C8orf34: variants seen among roughly 807,000 people sequenced by gnomAD.
C8orf34 encodes the protein uncharacterized protein C8orf34.
A neutral mutation model predicts 68.3 loss-of-function variants in C8orf34; 65 were observed. The ratio of observed to expected loss-of-function variants is 0.95; its 90% CI spans 0.78 to 1.17. The LOEUF (loss-of-function observed/expected upper bound fraction) is 1.17, where lower values mean the gene tolerates loss of function less well. C8orf34 is among the 50% of genes most tolerant of loss of function. The pLI is 0.00. For missense variants in C8orf34, 664 were observed against 655.4 expected (o/e 1.01, Z -0.14); for synonymous variants, 244 against 241.2 (o/e 1.01, Z -0.11).
intron 10 of C8orf34, among the ~76,000 whole-genome samples, chr8:68,746,254 A>G (rs1035694666): frequency 6.6e-6 from 1 of 150,932 alleles, no homozygotes; most frequent in Non-Finnish European, 1.5e-5. Context: ...AGGGAAATTT[A>G]TAGCACTAAA....
At chr8:68,509,854 G>A (rs1814188108) in intron 5 of C8orf34, among the ~76,000 whole-genome samples, 1 of 152,214 alleles carries the variant, frequency 6.6e-6, no homozygotes, top group Non-Finnish European at 1.5e-5. Context: ...GTGTCAAAGT[G>A]ACTTGCACCC....
At chr8:68,494,046 T>C (rs10096415) in intron 5 of C8orf34, among the ~76,000 whole-genome samples, 78,668 of 152,074 alleles carry the variant, frequency 0.52, 21,493 homozygotes, top group African/African-American at 0.71. Context: ...AGAGCAAGAT[T>C]TATAGGAAAT....
intron 8 of C8orf34, among the ~76,000 whole-genome samples, chr8:68,671,687 C>G (rs1282882325): frequency 6.6e-6 from 1 of 152,182 alleles, no homozygotes; most frequent in Admixed American, 6.5e-5. Flanking sequence ...TATAATTTTG[C>G]TTTTATTTAA....
In C8orf34 at chr8:68,521,770, A is replaced by G. The variant is rs772789737; in HGVS notation, c.766-29A>G. The G allele has an allele frequency of 4.4e-6, 7 of 1,593,112 alleles. No individual in the cohort carries two copies. In the East Asian group the frequency reaches 1.1e-4, roughly 26 times the overall value. ...TCCTGTTAATAAGAAAAAGCCATCT[A>G]AGACAGCATATTCTTTTCTTCTCTT... On this transcript the variant is annotated intron_variant, in intron 5 of 13. Transcript: ENST00000518698.
chr8:68,342,343 T>C (rs909272036), intron 1 of C8orf34, among the ~76,000 whole-genome samples: 1 of 152,224 alleles, frequency 6.6e-6, no homozygotes, highest in Non-Finnish European at 1.5e-5. Flanking sequence ...AAATTGGACC[T>C]CAGCAAAATT....
At chr8:68,723,718 T>G (rs574983809) in intron 10 of C8orf34, among the ~76,000 whole-genome samples, 6 of 152,270 alleles carry the variant, frequency 3.9e-5, no homozygotes, top group African/African-American at 1.4e-4. Context: ...ACATATACCA[T>G]TAGATTCTTC....
chr8:68,693,146 T>C (rs2130912670), intron 8 of C8orf34, among the ~76,000 whole-genome samples: 1 of 152,224 alleles, frequency 6.6e-6, no homozygotes, highest in Admixed American at 6.5e-5. Context: ...GATCAAGGAA[T>C]CTTGCTGTCT....
chr8:68,446,458 C>A lies in C8orf34; in HGVS notation c.605C>A (p.Ser202Ter), dbSNP rs377632950. The stretch of plus-strand genomic sequence containing the variant: ...TCTCCACCATCACCGGACTCCAAAT[C>A]ATGTAAGGAAGTCTCTTATTCAAAT... Reference protein sequence around the residue: ...NISPPSPDSKSLPRSVEHPKW... With the variant: ...NISPPSPDSK Residue 202 changes from serine (S) to a stop codon, truncating the protein, a stop_gained and splice_region_variant, in exon 3 of 14, where the codon TCA becomes TAA. Coordinates refer to ENST00000518698, the MANE Select transcript of C8orf34 (RefSeq NM_052958.4). LOFTEE classifies it high-confidence loss of function. The A allele has an allele frequency of 4.9e-5, 79 of 1,610,786 alleles. 1 individual carries two copies. Among genetic ancestry groups the A allele is most frequent in the Non-Finnish European group, 6.5e-5 (77 of 1,178,914 alleles).
chr8:68,346,300 T>TAGAG (rs34895013), intron 1 of C8orf34, among the ~76,000 whole-genome samples: 94,583 of 148,404 alleles, frequency 0.64, 31,494 homozygotes, highest in African/African-American at 0.85. Context: ...ATCATATTGT[T>TAGAG]AGGATTTAGG....
chr8:68,814,659 A>T (rs1824754975), intron 12 of C8orf34, among the ~76,000 whole-genome samples: 1 of 152,224 alleles, frequency 6.6e-6, no homozygotes, highest in South Asian at 2.1e-4. Flanking sequence ...ATGCTGAGCA[A>T]TGCTAACTTA....
At chr8:68,527,433 G>A (rs1815052135) in intron 6 of C8orf34, among the ~76,000 whole-genome samples, 1 of 152,090 alleles carries the variant, frequency 6.6e-6, no homozygotes, top group Non-Finnish European at 1.5e-5. Flanking sequence ...TTAGCCGGGC[G>A]TGGTGGTGGG....
intron 7 of C8orf34, among the ~76,000 whole-genome samples, chr8:68,561,906 A>G (rs938471301): frequency 6.6e-6 from 1 of 152,230 alleles, no homozygotes; most frequent in Non-Finnish European, 1.5e-5. Context: ...AGGTGGGTAC[A>G]TGGAGCTGCC....
chr8:68,425,358 T>C (rs565962946), intron 1 of C8orf34, among the ~76,000 whole-genome samples: 82 of 152,260 alleles, frequency 5.4e-4, no homozygotes, highest in African/African-American at 1.9e-3. Flanking sequence ...TATTTGCAAA[T>C]GACATGATTG....
intron 8 of C8orf34, among the ~76,000 whole-genome samples, chr8:68,667,386 G>A (rs747749657): frequency 1.3e-5 from 2 of 152,230 alleles, no homozygotes; most frequent in East Asian, 3.9e-4. Flanking sequence ...GAAGTGACAC[G>A]TTAAACCAAA....
chr8:68,804,886 T>A (rs961134927), intron 12 of C8orf34, among the ~76,000 whole-genome samples: 4 of 152,234 alleles, frequency 2.6e-5, no homozygotes, highest in Non-Finnish European at 4.4e-5. Context: ...CAATTTTTAC[T>A]CTCTTCCATT....
At chr8:68,638,220 T>C (rs1171156342) in intron 7 of C8orf34, among the ~76,000 whole-genome samples, 1 of 152,142 alleles carries the variant, frequency 6.6e-6, no homozygotes, top group African/African-American at 2.4e-5. Flanking sequence ...CCATGATGAG[T>C]CATTTCATGG....
At position 68,361,145 on chromosome 8, in the gene C8orf34, C is replaced by T. The variant is rs186302077; in HGVS notation, c.327+29806C>T. On this transcript the variant is annotated intron_variant, in intron 1 of 13. Transcript: ENST00000518698. ...CAGGCAGAGGGTTAATTGTGGAGTG[C>T]CCATGAGAATAGCACCTTGAAAGGA... Among the ~76,000 whole-genome samples the T allele has an allele frequency of 2.0e-5, 3 of 152,138 alleles. No homozygotes were observed. In the East Asian group the frequency reaches 5.8e-4, roughly 29 times the overall value.
intron 4 of C8orf34, among the ~76,000 whole-genome samples, chr8:68,480,175 C>T (rs1304018209): frequency 6.6e-6 from 1 of 152,148 alleles, no homozygotes; most frequent in Non-Finnish European, 1.5e-5. Flanking sequence ...AATGGAATCA[C>T]AGGGGCCAGC....
intron 1 of C8orf34, among the ~76,000 whole-genome samples, chr8:68,420,420 G>T (rs1217502689): frequency 1.3e-5 from 2 of 152,020 alleles, no homozygotes; most frequent in African/African-American, 4.8e-5. Context: ...AGATTTTGTG[G>T]ATTGTTAGCA....
Sources: gnomAD v4.1 joint callset for allele counts (sites outside exome capture counted in the v4.1 genomes callset) on GRCh38, gnomAD v4.1.1 for gene constraint, MANE v1.5 for transcripts, NCBI Gene and HGNC (gene_info 2026-07-23, HGNC 2026-07-21) for gene names.